Variants in NKX2-6 observed in about 807,000 individuals in gnomAD.
NKX2-6 encodes homeobox protein Nkx-2.6.
NKX2-6 carries 8 observed loss-of-function variants against 8.6 expected under a neutral mutation model. The observed-to-expected ratio is 0.93, with a 90% confidence interval of 0.54 to 1.67. The LOEUF (loss-of-function observed/expected upper bound fraction) is 1.67. NKX2-6 is among the 40% of genes most tolerant of loss of function. The pLI is 0.00. For missense variants in NKX2-6, 475 were observed against 423.1 expected (o/e 1.12, Z -1.08); for synonymous variants, 210 against 199.3 (o/e 1.05, Z -0.45).
intron 1 of NKX2-6, among the ~76,000 whole-genome samples, chr8:23,703,954 G>C (rs1056137994): frequency 5.3e-5 from 8 of 152,134 alleles, no homozygotes; most frequent in Non-Finnish European, 1.2e-4. Context: ...TCGGTGACAG[G>C]CTCTCAGGAG....
At chr8:23,703,628 G>A (rs1424471179) in intron 1 of NKX2-6, among the ~76,000 whole-genome samples, 1 of 151,904 alleles carries the variant, frequency 6.6e-6, no homozygotes, top group African/African-American at 2.4e-5. Context: ...CCCGGGAGGC[G>A]GAGCTTGCAG....
At chr8:23,705,013 C>T (rs1801068075) in intron 1 of NKX2-6, among the ~76,000 whole-genome samples, 1 of 152,354 alleles carries the variant, frequency 6.6e-6, no homozygotes, top group Middle Eastern at 3.4e-3. Context: ...GCCTCGGGTC[C>T]GGCCTCGGGT....
At chr8:23,703,350 C>G (rs1801039879) in intron 1 of NKX2-6, among the ~76,000 whole-genome samples, 1 of 152,152 alleles carries the variant, frequency 6.6e-6, no homozygotes, top group Non-Finnish European at 1.5e-5. Flanking sequence ...CGTCCTTTTC[C>G]TAAAGGTAGA....
Position 23,702,317 on chromosome 8 carries a change from A to T in NKX2-6, c.*134T>A. On this transcript the variant is annotated 3_prime_UTR_variant, in exon 2 of 2. Transcript: ENST00000325017. The stretch of plus-strand genomic sequence containing the variant: ...ACTGTGGTGCAGATCGCAGTTTCAG[A>T]GATCCCTCCGGAAAGAAGCGCCGTT... The T allele has an allele frequency of 1.0e-6, 1 of 1,002,540 alleles. No individual in the cohort carries two copies. Among genetic ancestry groups the T allele is most frequent in the Non-Finnish European group, 1.4e-6 (1 of 714,834 alleles). The allele number at this position is 1,002,540 out of a possible 1,614,324, so 62.1% of individuals were successfully genotyped here. A position where few individuals can be genotyped will look rare whatever the true frequency, so the allele number is the denominator to read the frequency against.
rs1286936264 is a variant in NKX2-6, at chr8:23,703,011, C to T, written c.346G>A (p.Gly116Ser). The change falls in exon 2 of 2, where the codon GGC becomes AGC. Residue 116 changes from glycine (G) to serine (S), a missense_variant. By Grantham distance (56) the Gly-to-Ser change is moderately conservative (BLOSUM62 0). Transcript: ENST00000325017. ...GAGCGGCCACCCCGCACGCTGTCGCCGCTGTTGCCAACGCCGCGCTCTGGC... is the reference window on the plus strand; with the variant it reads ...GAGCGGCCACCCCGCACGCTGTCGCTGCTGTTGCCAACGCCGCGCTCTGGC... ...RVPERGVGNS[G>S]DSVRGGRSEQ... 2 of 1,541,200 alleles carry T rather than the reference C, an allele frequency of 1.3e-6. No homozygotes were observed. Among genetic ancestry groups the T allele is most frequent in the Admixed American group, 2.0e-5 (1 of 50,884 alleles).
In NKX2-6 at chr8:23,702,007, CT is replaced by C. The variant is rs1801013261; in HGVS notation, c.*443del. On this transcript the variant is annotated 3_prime_UTR_variant, in exon 2 of 2. Transcript: ENST00000325017. ...AGCCCCCTTCCCGCCCTCCCGTCCT[CT>C]TCTCTTTCTTCCCCAACAGCTGTCA... 6.6e-6 allele frequency among the ~76,000 whole-genome samples: 1 copy of C among 152,084 alleles called. No homozygotes were observed. The highest frequency in any genetic ancestry group is 6.5e-5 in the Admixed American group (1 of 15,280).
intron 1 of NKX2-6, among the ~76,000 whole-genome samples, chr8:23,704,596 C>CACTG (rs994660815): frequency 8.5e-5 from 13 of 152,204 alleles, no homozygotes; most frequent in African/African-American, 3.1e-4. Flanking sequence ...ATACCCAAGG[C>CACTG]ACTGGCACAA....
intron 1 of NKX2-6, 71 bp downstream of exon 1, chr8:23,706,254 C>G (rs1801087636): frequency 7.1e-7 from 1 of 1,416,046 alleles, no homozygotes. Flanking sequence ...GTATTTTCCC[C>G]ATGCACCCAT....
At chr8:23,703,443 T>A (rs1294901935) in intron 1 of NKX2-6, among the ~76,000 whole-genome samples, 2 of 152,014 alleles carry the variant, frequency 1.3e-5, no homozygotes, top group African/African-American at 4.8e-5. Flanking sequence ...ATGCCTGTAA[T>A]CCCAGCACTT....
intron 1 of NKX2-6, among the ~76,000 whole-genome samples, chr8:23,703,340 C>T (rs796100143): frequency 2.6e-4 from 39 of 152,178 alleles, no homozygotes; most frequent in Middle Eastern, 6.4e-3. Flanking sequence ...CTCGTGTGTG[C>T]GTCCTTTTCC....
At position 23,703,137 on chromosome 8, in the gene NKX2-6, T is replaced by C. The variant is rs543220927; in HGVS notation, c.275-55A>G. On this transcript the variant is annotated intron_variant, in intron 1 of 1. Transcript: ENST00000325017. ...CCCAGCCTAAGGCTCACCTGAGCGG[T>C]TCCTACTTAGTTTTCAAGACTTTCC... 3.9e-4 allele frequency: 582 copies of C among 1,494,348 alleles called. 5 individuals are homozygous for C. The South Asian group carries it at 6.9e-3, about 18-fold the overall frequency. 92.6% of individuals were successfully genotyped at this position (1,494,348 alleles called of 1,614,324 possible).
chr8:23,704,968 C>T (rs1801067267), intron 1 of NKX2-6, among the ~76,000 whole-genome samples: 1 of 152,248 alleles, frequency 6.6e-6, no homozygotes, highest in African/African-American at 2.4e-5. Context: ...CTGTCCGGAT[C>T]GCTACCGCGG....
At chr8:23,704,799 C>T (rs547979681) in intron 1 of NKX2-6, among the ~76,000 whole-genome samples, 84 of 152,324 alleles carry the variant, frequency 5.5e-4, no homozygotes, top group African/African-American at 2.0e-3. Flanking sequence ...GCAAGGAGGA[C>T]CCCATTTCAA....
chr8:23,703,412 A>G (rs1026518783), intron 1 of NKX2-6, among the ~76,000 whole-genome samples: 1 of 152,188 alleles, frequency 6.6e-6, no homozygotes, highest in Non-Finnish European at 1.5e-5. Context: ...ATGTGTGTGC[A>G]TGGGCCGGGC....
chr8:23,705,019 C>T (rs1339241714), intron 1 of NKX2-6, among the ~76,000 whole-genome samples: 2 of 152,220 alleles, frequency 1.3e-5, no homozygotes, highest in South Asian at 2.1e-4. Context: ...GGTCCGGCCT[C>T]GGGTCCCTCC....
Position 23,702,974 on chromosome 8 carries a change from T to A in NKX2-6, c.383A>T (p.Lys128Met). The A allele has an allele frequency of 1.9e-6, 3 of 1,544,980 alleles. No homozygotes were observed. Among genetic ancestry groups the A allele is most frequent in the African/African-American group, 2.7e-5 (2 of 73,064 alleles). ...SVRGGRSEQPKARQRRKPRVL... is the reference protein window; with the variant it reads ...SVRGGRSEQPMARQRRKPRVL... The stretch of plus-strand genomic sequence containing the variant: ...GCGCGGCTTCCGTCGTTGCCGCGCC[T>A]TGGGCTGCTCCGAGCGGCCACCCCG... The change falls in exon 2 of 2, where the codon AAG becomes ATG. Residue 128 changes from lysine (K) to methionine (M), a missense_variant. Transcript: ENST00000325017.
rs1358885472 is a variant in NKX2-6 at position 23,706,183 on chromosome 8, GC to G, written c.274+141del. 6.4e-5 allele frequency: 53 copies of G among 822,940 alleles called. No homozygotes were observed. The Admixed American group carries it at 1.4e-3, about 22-fold the overall frequency. The allele number at this position is 822,940 out of a possible 1,614,324, so 51.0% of individuals were successfully genotyped here. ...AGAGGATGGGAATGGGATTCGAGAGGCCTTTTTTTGGACTCCTCGAGAGAAA... is the reference window on the plus strand; with the variant it reads ...AGAGGATGGGAATGGGATTCGAGAGGCTTTTTTTGGACTCCTCGAGAGAAA... On this transcript the variant is annotated intron_variant, in intron 1 of 1. Transcript: ENST00000325017.
Position 23,705,326 on chromosome 8 carries a change from A to ATG in NKX2-6, c.274+998_274+999insCA, listed in dbSNP as rs1265344630. Among the ~76,000 whole-genome samples, 10 of 152,316 alleles carry ATG rather than the reference A, an allele frequency of 6.6e-5. No individual in the cohort carries two copies. In the South Asian group the frequency reaches 8.3e-4, roughly 13 times the overall value. ...GCAGGCCGGTAAATAACTCCGATCT[A>ATG]GCCCCTTGGTTTATTTCTTTCGTTC... On this transcript the variant is annotated intron_variant, in intron 1 of 1. Coordinates refer to ENST00000325017, the MANE Select transcript of NKX2-6 (RefSeq NM_001136271.3).
Position 23,702,681 on chromosome 8 carries a change from C to A in NKX2-6, c.676G>T (p.Gly226Cys). 6.4e-7 allele frequency: 1 copy of A among 1,550,870 alleles called. No homozygotes were observed. The highest frequency in any genetic ancestry group is 8.7e-7 in the Non-Finnish European group (1 of 1,146,592). Reference protein sequence around the residue: ...DGKPCLGPGPGAPAFPSPYSA... With the variant: ...DGKPCLGPGPCAPAFPSPYSA... ...TAGGGGCTGGGGAAGGCAGGTGCGC[C>A]GGGCCCGGGGCCCAGGCAGGGCTTG... The change falls in exon 2 of 2, where the codon GGC becomes TGC. Residue 226 changes from glycine (G) to cysteine (C), a missense_variant. Gly to Cys is a radical substitution (Grantham distance 159). Coordinates refer to ENST00000325017, the MANE Select transcript of NKX2-6 (RefSeq NM_001136271.3).
Sources: gnomAD v4.1 joint callset for allele counts (sites outside exome capture counted in the v4.1 genomes callset) on GRCh38, gnomAD v4.1.1 for gene constraint, MANE v1.5 for transcripts, NCBI Gene and HGNC (gene_info 2026-07-23, HGNC 2026-07-21) for gene names.